Variants in ACYP2 observed in about 807,000 individuals in gnomAD.
ACYP2 encodes the protein acylphosphatase-2.
In ACYP2, 12 loss-of-function variants were observed where a neutral mutation model predicts 11.2. The observed-to-expected ratio is 1.08, with a 90% CI of 0.69 to 1.74. The LOEUF (loss-of-function observed/expected upper bound fraction) is 1.74. ACYP2 is among the 40% of genes most tolerant of loss of function. The pLI, the probability that ACYP2 is intolerant of heterozygous loss-of-function variation, is 0.00. For synonymous variants in ACYP2, 43 were observed against 32.2 expected, an observed-to-expected ratio of 1.33 and a Z score of -1.13; for missense variants, 134 against 101.9, an observed-to-expected ratio of 1.31 and a Z score of -1.35.
intron 2 of ACYP2, among the ~76,000 whole-genome samples, chr2:54,031,097 G>A (rs980212900): frequency 6.6e-6 from 1 of 152,144 alleles, no homozygotes; most frequent in African/African-American, 2.4e-5. Context: ...TGGTGTCAGG[G>A]AAGGCTTCTT....
chr2:54,026,324 A>G (rs1006411903), intron 2 of ACYP2, among the ~76,000 whole-genome samples: 2 of 152,182 alleles, frequency 1.3e-5, no homozygotes, highest in African/African-American at 4.8e-5. Context: ...AAAATGCTCA[A>G]CATCACTAAT....
chr2:54,238,722 C>T (rs1686606896), intron 6 of ACYP2, among the ~76,000 whole-genome samples: 1 of 151,948 alleles, frequency 6.6e-6, no homozygotes, highest in East Asian at 1.9e-4. Flanking sequence ...AAATAAGATG[C>T]ATTATTTTCC....
At chr2:54,188,437 C>T (rs1256290545) in intron 6 of ACYP2, among the ~76,000 whole-genome samples, 1 of 152,044 alleles carries the variant, frequency 6.6e-6, no homozygotes, top group African/African-American at 2.4e-5. Flanking sequence ...AAGATGCTCA[C>T]TATTATATTG....
At chr2:54,174,447 A>G (rs767711167) in intron 6 of ACYP2, among the ~76,000 whole-genome samples, 12 of 152,164 alleles carry the variant, frequency 7.9e-5, no homozygotes, top group Non-Finnish European at 1.6e-4. Context: ...GGTTTTCTAA[A>G]TATATAATCA....
chr2:54,241,351 T>G (rs1686722543), intron 6 of ACYP2, among the ~76,000 whole-genome samples: 2 of 152,214 alleles, frequency 1.3e-5, no homozygotes, highest in South Asian at 4.1e-4. Flanking sequence ...CTGGTTTAAG[T>G]ATGATATTGA....
At chr2:54,236,969 A>G (rs186424382) in intron 6 of ACYP2, among the ~76,000 whole-genome samples, 30 of 152,312 alleles carry the variant, frequency 2.0e-4, no homozygotes, top group African/African-American at 7.2e-4. Context: ...GGGATCAAAA[A>G]TATTTGGGAA....
At chr2:53,998,319 A>G (rs1370852529) in intron 2 of ACYP2, among the ~76,000 whole-genome samples, 1 of 152,230 alleles carries the variant, frequency 6.6e-6, no homozygotes, top group Non-Finnish European at 1.5e-5. Flanking sequence ...GAAATGTATC[A>G]GTGAATGAGA....
intron 2 of ACYP2, among the ~76,000 whole-genome samples, chr2:54,017,635 A>T (rs950509415): frequency 6.6e-6 from 1 of 152,104 alleles, no homozygotes; most frequent in African/African-American, 2.4e-5. Context: ...TTCTGATACT[A>T]TTGCATTCAA....
intron 6 of ACYP2, among the ~76,000 whole-genome samples, chr2:54,200,784 G>C (rs976315331): frequency 1.3e-5 from 2 of 152,260 alleles, no homozygotes; most frequent in Admixed American, 6.5e-5. Flanking sequence ...GAGTAGAATT[G>C]CTGGGTTATT....
chr2:54,298,904 A>C (rs1469979299), intron 6 of ACYP2, among the ~76,000 whole-genome samples: 1 of 152,184 alleles, frequency 6.6e-6, no homozygotes, highest in African/African-American at 2.4e-5. Flanking sequence ...GGTGCACACC[A>C]CCATGCCCAG....
At chr2:54,269,308 C>T (rs1207482901) in intron 6 of ACYP2, among the ~76,000 whole-genome samples, 1 of 152,122 alleles carries the variant, frequency 6.6e-6, no homozygotes, top group Non-Finnish European at 1.5e-5. Context: ...AACAAGATGG[C>T]AAGGGATGGC....
At chr2:54,200,008 T>G (rs1390275861) in intron 6 of ACYP2, among the ~76,000 whole-genome samples, 1 of 152,244 alleles carries the variant, frequency 6.6e-6, no homozygotes, top group Non-Finnish European at 1.5e-5. Flanking sequence ...TTAACAAATA[T>G]TCCTTTAACT....
At chr2:54,141,108 C>G (rs538644591) in intron 6 of ACYP2, among the ~76,000 whole-genome samples, 1 of 152,124 alleles carries the variant, frequency 6.6e-6, no homozygotes, top group Admixed American at 6.5e-5. Context: ...TCATGAACTC[C>G]CTTTTCACAT....
At chr2:54,156,998 T>G (rs916982724) in intron 6 of ACYP2, among the ~76,000 whole-genome samples, 1 of 152,198 alleles carries the variant, frequency 6.6e-6, no homozygotes. Context: ...ATAAATATTT[T>G]TTAAAAAGGT....
chr2:54,030,815 TCCTAA>T (rs1305244075), intron 2 of ACYP2: 4 of 152,248 alleles, frequency 2.6e-5, no homozygotes, highest in African/African-American at 9.6e-5. Flanking sequence ...CCTTTAGTAC[TCCTAA>T]CCTTATTGTT....
At chr2:54,223,571 A>G (rs187130112) in intron 6 of ACYP2, among the ~76,000 whole-genome samples, 22 of 152,294 alleles carry the variant, frequency 1.4e-4, no homozygotes, top group Non-Finnish European at 2.9e-4. Context: ...ACTTGATTCT[A>G]CAACACTGTG....
At chr2:53,984,215 T>C (rs983432936) in intron 2 of ACYP2, among the ~76,000 whole-genome samples, 5 of 152,176 alleles carry the variant, frequency 3.3e-5, no homozygotes, top group African/African-American at 1.2e-4. Flanking sequence ...AGAGCTAATT[T>C]AAACTTCACA....
At chr2:54,121,713 A>G (rs11675345) in intron 4 of ACYP2, among the ~76,000 whole-genome samples, 16,797 of 152,234 alleles carry the variant, frequency 0.11, 979 homozygotes, top group Non-Finnish European at 0.13. Context: ...CTTTGTTCTT[A>G]TAGTATTTTA....
chr2:54,243,688 G>A (rs992088902), intron 6 of ACYP2, among the ~76,000 whole-genome samples: 3 of 152,060 alleles, frequency 2.0e-5, no homozygotes, highest in Non-Finnish European at 4.4e-5. Context: ...TCCTGCCTTA[G>A]CTTCCCAAGT....
Sources: gnomAD v4.1 joint callset for allele counts (sites outside exome capture counted in the v4.1 genomes callset) on GRCh38, gnomAD v4.1.1 for gene constraint, MANE v1.5 for transcripts, NCBI Gene and HGNC (gene_info 2026-07-23, HGNC 2026-07-21) for gene names.